Variants in PSD3 observed in about 807,000 individuals in gnomAD.
PSD3 encodes PH and SEC7 domain-containing protein 3.
PSD3 carries 49 observed loss-of-function variants against 105.5 expected under a neutral mutation model. The ratio of observed to expected loss-of-function variants is 0.46; its 90% CI spans 0.37 to 0.59. The LOEUF (loss-of-function observed/expected upper bound fraction) is 0.59, where lower values mean the gene tolerates loss of function less well. Among genes scored for constraint, PSD3 ranks in the 20% least tolerant of loss-of-function variants. PSD3 has a pLI of 0.00. For missense variants in PSD3, 1,561 were observed against 1,263.8 expected, an observed-to-expected ratio of 1.24 and a Z score of -3.57; for synonymous variants, 557 against 457.8, an observed-to-expected ratio of 1.22 and a Z score of -2.77.
At position 18,871,683 on chromosome 8, in the gene PSD3, AG is replaced by A. The variant is rs1378994208; in HGVS notation, c.1180del (p.Leu394TyrfsTer88). 6 of 1,613,696 alleles carry A rather than the reference AG, an allele frequency of 3.7e-6. No homozygotes were observed. The highest frequency in any genetic ancestry group is 5.1e-6 in the Non-Finnish European group (6 of 1,179,876). ...LDESGEDEVF[L>X]QENKQHLEKT... ...CTCAAGATGCTGTTTGTTTTCCTGT[AG>A]GAAGACTTCATCCTCTCCACTCTCA... is the stretch of plus-strand genomic sequence containing the variant. On this transcript the variant is annotated frameshift_variant, in exon 3 of 16. Transcript: ENST00000327040. LOFTEE classifies it high-confidence loss of function.
At chr8:18,627,693 A>C (rs1480201341) in intron 11 of PSD3, among the ~76,000 whole-genome samples, 2 of 152,038 alleles carry the variant, frequency 1.3e-5, no homozygotes, top group Non-Finnish European at 2.9e-5. Flanking sequence ...ACTTACCCGC[A>C]CACCAGGAGA....
intron 4 of PSD3, among the ~76,000 whole-genome samples, chr8:18,818,979 T>C (rs1225092441): frequency 6.6e-6 from 1 of 152,076 alleles, no homozygotes; most frequent in South Asian, 2.1e-4. Context: ...TCAGAGACCC[T>C]TGATGTGATC....
chr8:18,983,402 C>T (rs1452790252), intron 1 of PSD3, among the ~76,000 whole-genome samples: 1 of 152,140 alleles, frequency 6.6e-6, no homozygotes, highest in Non-Finnish European at 1.5e-5. Context: ...CTTTTATATC[C>T]ACAACTTGGC....
At chr8:18,765,422 A>G in intron 9 of PSD3, 27 bp downstream of exon 9, 1 of 1,547,356 alleles carries the variant, frequency 6.5e-7, no homozygotes, top group Non-Finnish European at 8.9e-7. Context: ...ACAAGCATAC[A>G]CTAAAAACCA....
intron 15 of PSD3, 51 bp downstream of exon 15, chr8:18,556,158 T>A (rs1399984214): frequency 6.3e-7 from 1 of 1,597,812 alleles, no homozygotes; most frequent in African/African-American, 1.3e-5. Flanking sequence ...CATGGACAGA[T>A]CATAAGAAAA....
intron 12 of PSD3, among the ~76,000 whole-genome samples, chr8:18,596,516 T>TA: frequency 6.6e-6 from 1 of 150,378 alleles, no homozygotes; most frequent in South Asian, 2.1e-4. Context: ...ATAAAAGAAA[T>TA]AGAGAAATGA....
At chr8:18,973,388 C>A (rs547150870) in intron 1 of PSD3, among the ~76,000 whole-genome samples, 1 of 152,324 alleles carries the variant, frequency 6.6e-6, no homozygotes, top group Non-Finnish European at 1.5e-5. Flanking sequence ...GAGCATGGTG[C>A]CATCTGGGTT....
chr8:18,734,381 T>G (rs970053779), intron 9 of PSD3: 1 of 152,236 alleles, frequency 6.6e-6, no homozygotes, highest in African/African-American at 2.4e-5. Context: ...TGATCTTTAA[T>G]ACAGATTAAG....
chr8:18,620,473 G>A (rs576168095), intron 11 of PSD3, among the ~76,000 whole-genome samples: 19 of 152,100 alleles, frequency 1.2e-4, no homozygotes, highest in African/African-American at 4.3e-4. Flanking sequence ...ACTTTGGGAG[G>A]CCAAGCCTGG....
rs1554523092 is a variant in PSD3, at chr8:18,614,810, T to TTTG, written c.2411-14377_2411-14376insCAA. On this transcript the variant is annotated intron_variant, in intron 11 of 15. Transcript: ENST00000327040. ...TGCCTGGCTAATTTTTTTTTTGTTTTGTTTTCATAGACACGGGGTCTTGCA... is the reference window on the plus strand; with the variant it reads ...TGCCTGGCTAATTTTTTTTTTGTTTTTTGGTTTTCATAGACACGGGGTCTTGCA... Among the ~76,000 whole-genome samples, 1,155 of 149,574 alleles carry TTTG rather than the reference T, an allele frequency of 7.7e-3. 16 individuals carry two copies. Among genetic ancestry groups the TTTG allele is most frequent in the African/African-American group, 0.026 (1,073 of 40,692 alleles).
intron 2 of PSD3, among the ~76,000 whole-genome samples, chr8:18,931,077 T>A (rs1821718313): frequency 6.6e-6 from 1 of 152,208 alleles, no homozygotes; most frequent in African/African-American, 2.4e-5. Context: ...TTACCTGCCA[T>A]CCATATATCT....
chr8:18,630,014 T>A (rs1402189990), intron 11 of PSD3, among the ~76,000 whole-genome samples: 1 of 151,748 alleles, frequency 6.6e-6, no homozygotes, highest in Admixed American at 6.6e-5. Flanking sequence ...GATAGCCCCA[T>A]GGAAAAACAG....
chr8:18,858,318 A>T (rs558275884), intron 4 of PSD3, among the ~76,000 whole-genome samples: 1 of 152,348 alleles, frequency 6.6e-6, no homozygotes, highest in South Asian at 2.1e-4. Context: ...TTGCTAAAAA[A>T]TGCTAATGAT....
intron 1 of PSD3, among the ~76,000 whole-genome samples, chr8:18,978,847 C>A (rs1825095502): frequency 6.6e-6 from 1 of 152,232 alleles, no homozygotes; most frequent in African/African-American, 2.4e-5. Context: ...ACCTCTCTCC[C>A]TTCCTCTCTC....
rs1817384904 is a variant in PSD3 at position 18,871,943 on chromosome 8, C to T, written c.921G>A (p.Leu307=). 1 of 1,614,190 alleles carries T rather than the reference C, an allele frequency of 6.2e-7. No homozygotes were observed. The highest frequency in any genetic ancestry group is 8.5e-7 in the Non-Finnish European group (1 of 1,180,024). The change falls in exon 3 of 16, where the codon CTG becomes CTA. Residue 307 remains leucine (L), a synonymous_variant. Transcript: ENST00000327040. ...TCTCTCTCTTGTCTCCTCCTGTCCACAGTATTTCCACTCCTTGAAATTCCA... is the reference window on the plus strand; with the variant it reads ...TCTCTCTCTTGTCTCCTCCTGTCCATAGTATTTCCACTCCTTGAAATTCCA... The part of the protein sequence containing the change: ...KHVEFQGVEI[L]WTGGDKRETQ...
At position 18,529,100 on chromosome 8, in the gene PSD3, T is replaced by C. The variant is rs1799535174; in HGVS notation, c.*6643A>G. ...CTGCAGAGCAAGCAGCTCTGCCACC[T>C]TGGAAAATGATGCACACCAGCTTCT... On this transcript the variant is annotated 3_prime_UTR_variant, in exon 16 of 16. Transcript: ENST00000327040. The C allele has an allele frequency of 1.3e-5, 2 of 152,168 alleles. No individual in the cohort carries two copies. The highest frequency in any genetic ancestry group is 4.8e-5 in the African/African-American group (2 of 41,440). 9.4% of individuals were successfully genotyped at this position (152,168 alleles called of 1,614,324 possible). A position where few individuals can be genotyped will look rare whatever the true frequency, so the allele number is the denominator to read the frequency against.
intron 10 of PSD3, among the ~76,000 whole-genome samples, chr8:18,638,328 GAA>G (rs35460545): frequency 0.35 from 50,200 of 142,674 alleles, 8,631 homozygotes; most frequent in Middle Eastern, 0.49. Flanking sequence ...AATTAGGCAA[GAA>G]AAAAAAAAAA....
intron 1 of PSD3, among the ~76,000 whole-genome samples, chr8:19,063,359 C>A (rs76768605): frequency 0.015 from 2,314 of 152,320 alleles, 77 homozygotes; most frequent in African/African-American, 0.053. Context: ...GAATAATTTT[C>A]TGCCAGAGGT....
rs186437334 is a variant in PSD3 at position 18,898,628 on chromosome 8, A to T, written c.131-25895T>A. On this transcript the variant is annotated intron_variant, in intron 2 of 15. Transcript: ENST00000327040. ...GACTAGAAGTCTTACTGATAATATA[A>T]ATAGGGAATGGACACATATTTTGCA... Among the ~76,000 whole-genome samples, 6 of 152,324 alleles carry T rather than the reference A, an allele frequency of 3.9e-5. No homozygotes were observed. In the East Asian group the frequency reaches 1.2e-3, roughly 29 times the overall value.
Sources: allele counts gnomAD v4.1 joint callset (sites outside exome capture counted in the v4.1 genomes callset), GRCh38; gene constraint gnomAD v4.1.1; transcripts MANE v1.5; gene names NCBI Gene and HGNC (gene_info 2026-07-23, HGNC 2026-07-21).